The following MAST2 variants were observed in gnomAD, a reference collection of about 807,000 sequenced individuals.
The protein encoded by MAST2 is microtubule-associated serine/threonine-protein kinase 2.
Under a neutral mutation model 147.4 loss-of-function variants are expected in MAST2, and 70 were observed. The observed-to-expected ratio is 0.47, with a 90% confidence interval of 0.39 to 0.58. The LOEUF is 0.58. Among genes scored for constraint, MAST2 ranks in the 20% least tolerant of loss-of-function variants. The pLI, the probability that MAST2 is intolerant of heterozygous loss-of-function variation, is 0.00. For missense variants in MAST2, 2,080 were observed against 2,302.3 expected (o/e 0.90, Z 1.98); for synonymous variants, 869 against 896.8 (o/e 0.97, Z 0.55).
chr1:45,894,085 G>C (rs981665449), intron 4 of MAST2, among the ~76,000 whole-genome samples: 2 of 151,934 alleles, frequency 1.3e-5, no homozygotes, highest in South Asian at 2.1e-4. Context: ...ACGTGGTAGC[G>C]CACACCTGTG....
chr1:46,006,846 C>G (rs1218592232), intron 8 of MAST2, among the ~76,000 whole-genome samples: 1 of 152,168 alleles, frequency 6.6e-6, no homozygotes, highest in Non-Finnish European at 1.5e-5. Context: ...AAAAGGAGAA[C>G]AATGGTATCA....
chr1:45,823,927 G>A (rs1644713773), intron 1 of MAST2, among the ~76,000 whole-genome samples: 1 of 152,112 alleles, frequency 6.6e-6, no homozygotes, highest in South Asian at 2.1e-4. Context: ...TTTTCTGATA[G>A]TACTTTTATA....
chr1:46,030,191 T>C lies in MAST2; in HGVS notation c.2506T>C (p.Cys836Arg). The C allele has an allele frequency of 1.2e-6, 2 of 1,614,242 alleles. No individual in the cohort carries two copies. The highest frequency in any genetic ancestry group is 1.7e-6 in the Non-Finnish European group (2 of 1,180,038). ...TGAGGAAGAAGTGAGTGAGGATGGC[T>C]GCCTTGAGATCCGCCAGTTCTCTTC... ...EDEEEVSEDG[C>R]LEIRQFSSCS... Residue 836 changes from cysteine to arginine, a missense_variant, in exon 21 of 29, where the codon TGC (cysteine) becomes CGC (arginine). Cys to Arg is a radical substitution (Grantham distance 180). Coordinates refer to ENST00000361297, the MANE Select transcript of MAST2 (RefSeq NM_015112.3).
intron 1 of MAST2, among the ~76,000 whole-genome samples, chr1:45,811,277 C>T (rs1444382017): frequency 2.6e-5 from 4 of 151,448 alleles, no homozygotes; most frequent in Admixed American, 1.3e-4. Flanking sequence ...AGCAATTCTC[C>T]TGCCTCAGCC....
At chr1:45,850,329 A>G (rs1289163718) in intron 3 of MAST2, among the ~76,000 whole-genome samples, 1 of 152,166 alleles carries the variant, frequency 6.6e-6, no homozygotes, top group African/African-American at 2.4e-5. Flanking sequence ...AGTTCTTTAT[A>G]GAGTCTAGAT....
intron 4 of MAST2, among the ~76,000 whole-genome samples, chr1:45,909,544 A>G (rs940952574): frequency 4.0e-5 from 6 of 151,364 alleles, no homozygotes; most frequent in African/African-American, 1.2e-4. Flanking sequence ...TTTTGGAGAC[A>G]GAGTCTGGCT....
intron 4 of MAST2, 85 bp from the exon 5 acceptor site, chr1:45,959,301 C>G (rs182596862): frequency 2.0e-6 from 2 of 977,734 alleles, no homozygotes; most frequent in Non-Finnish European, 3.2e-6. Context: ...GGAATGGTGT[C>G]CCTCTTTAGT....
chr1:45,917,003 A>T (rs1020939934), intron 4 of MAST2, among the ~76,000 whole-genome samples: 2 of 152,188 alleles, frequency 1.3e-5, no homozygotes, highest in African/African-American at 4.8e-5. Context: ...GCTTGAACCC[A>T]GGAGGCAGAG....
Position 46,035,906 on chromosome 1 carries a change from T to G in MAST2, c.5237T>G (p.Val1746Gly). 6.2e-7 allele frequency: 1 copy of G among 1,614,016 alleles called. No individual in the cohort carries two copies. Among genetic ancestry groups the G allele is most frequent in the Non-Finnish European group, 8.5e-7 (1 of 1,180,014 alleles). The change falls in exon 29 of 29, where the codon GTG becomes GGG. Residue 1746 changes from valine to glycine, a missense_variant. This residue lies in a region of MAST2 where 1,278 missense variants were observed against 1,304.2 expected (regional missense o/e 0.98). Coordinates refer to ENST00000361297, the MANE Select transcript of MAST2 (RefSeq NM_015112.3). The surrounding 1 kb of genome is among the most constrained non-coding windows in gnomAD (Gnocchi z 5.5). ...GATCCAGCCCTGAGCATCACCCAAG[T>G]GCCTGATGCCTCAGGTGACAGAAGG... is the stretch of plus-strand genomic sequence containing the variant. ...KEDPALSITQ[V>G]PDASGDRRQD...
At chr1:45,962,019 T>C (rs112806480) in intron 5 of MAST2, among the ~76,000 whole-genome samples, 2 of 147,846 alleles carry the variant, frequency 1.4e-5, no homozygotes, top group South Asian at 2.2e-4. Flanking sequence ...GAACATTCGG[T>C]GTTTGGTTTT....
Position 45,976,165 on chromosome 1 carries a change from C to CG in MAST2, c.592+16692dup, listed in dbSNP as rs1425780552. Among the ~76,000 whole-genome samples the CG allele has an allele frequency of 4.5e-4, 69 of 151,890 alleles. 1 individual carries two copies. The highest frequency in any genetic ancestry group is 6.3e-4 in the Non-Finnish European group (43 of 67,970). On this transcript the variant is annotated intron_variant, in intron 5 of 28. Transcript: ENST00000361297. ...AATTTTTTTTTATTTTTAGTAGAGA[C>CG]GGGGTATCACCATGTTGGCCAGGCT...
At chr1:45,874,914 G>A (rs1646537202) in intron 3 of MAST2, among the ~76,000 whole-genome samples, 1 of 152,132 alleles carries the variant, frequency 6.6e-6, no homozygotes, top group Non-Finnish European at 1.5e-5. Flanking sequence ...CTGAAGTCCA[G>A]GAATGTATAA....
intron 11 of MAST2, 125 bp from the exon 12 acceptor site, chr1:46,021,825 G>T (rs578175312): frequency 3.5e-6 from 3 of 851,910 alleles, no homozygotes; most frequent in Middle Eastern, 2.3e-4. Flanking sequence ...AATATTCAGG[G>T]GTGGGAGTGT....
intron 4 of MAST2, among the ~76,000 whole-genome samples, chr1:45,938,914 A>T (rs576120105): frequency 6.6e-6 from 1 of 151,080 alleles, no homozygotes; most frequent in Non-Finnish European, 1.5e-5. Context: ...TTTTTTTTTT[A>T]AATATTGAGC....
rs1333525718 is a variant in MAST2, at chr1:46,031,613, A to C, written c.3187+28A>C. ...GAGGCCCCTGGGGAGCTGGGATAAA[A>C]CTCACAGGAAGGGCCTTGTAATCTC... On this transcript the variant is annotated intron_variant, in intron 24 of 28. Coordinates refer to ENST00000361297, the MANE Select transcript of MAST2 (RefSeq NM_015112.3). This position sits in a 1 kb window ranked among gnomAD's most constrained non-coding sequence, Gnocchi z 4.1. 6.3e-7 allele frequency: 1 copy of C among 1,594,782 alleles called. No homozygotes were observed. Among genetic ancestry groups the C allele is most frequent in the Admixed American group, 1.7e-5 (1 of 59,078 alleles).
chr1:45,941,062 T>A (rs1657192631), intron 4 of MAST2, among the ~76,000 whole-genome samples: 1 of 152,192 alleles, frequency 6.6e-6, no homozygotes, highest in Non-Finnish European at 1.5e-5. Context: ...TTTAGCAGGT[T>A]ATTTTGGCAG....
rs984632642 is a variant in MAST2 at position 45,885,722 on chromosome 1, T to C, written c.500+3327T>C. On this transcript the variant is annotated intron_variant, in intron 4 of 28. Transcript: ENST00000361297. ...TCATTTGCTCAAATCTTTCCATCCA[T>C]GCATCCATCATACTATATTATTTTA... Among the ~76,000 whole-genome samples the C allele has an allele frequency of 5.9e-5, 9 of 152,208 alleles. No individual in the cohort carries two copies. The South Asian group carries it at 8.3e-4, about 14-fold the overall frequency.
At position 45,831,192 on chromosome 1, in the gene MAST2, C is replaced by T. The variant is rs1276599262; in HGVS notation, c.468+1611C>T. 2.0e-5 allele frequency among the ~76,000 whole-genome samples: 3 copies of T among 152,032 alleles called. No homozygotes were observed. In the East Asian group the frequency reaches 5.8e-4, roughly 29 times the overall value. On this transcript the variant is annotated intron_variant, in intron 3 of 28. Coordinates refer to ENST00000361297, the MANE Select transcript of MAST2 (RefSeq NM_015112.3). ...AAACTTGCTTTTGTACCAAAGGCACCCACTGGCTTTCTGCTCATCTCACAC... is the reference window on the plus strand; with the variant it reads ...AAACTTGCTTTTGTACCAAAGGCACTCACTGGCTTTCTGCTCATCTCACAC...
chr1:45,870,199 C>T (rs1038813543), intron 3 of MAST2, among the ~76,000 whole-genome samples: 1 of 152,180 alleles, frequency 6.6e-6, no homozygotes, highest in Non-Finnish European at 1.5e-5. Context: ...GCTGGGATTA[C>T]AGGCATGAGC....
Sources: allele counts gnomAD v4.1 joint callset (sites outside exome capture counted in the v4.1 genomes callset), GRCh38; gene constraint gnomAD v4.1.1; regional missense constraint gnomAD v4.1.1; non-coding constraint Gnocchi (gnomAD v3.1); transcripts MANE v1.5; gene names NCBI Gene and HGNC (gene_info 2026-07-23, HGNC 2026-07-21).